CNTN5: variants seen among roughly 807,000 people sequenced by gnomAD.
CNTN5 encodes contactin-5.
A neutral mutation model predicts 129.1 loss-of-function variants in CNTN5; 77 were observed. The observed-to-expected ratio is 0.60, with a 90% CI of 0.50 to 0.72. The LOEUF is 0.72. CNTN5 is among the 30% of genes least tolerant of loss of function. The probability of loss-of-function intolerance (pLI) is 0.00; values close to 1 mark genes in which losing one functional copy is unlikely to be tolerated. For missense variants in CNTN5, 1,478 were observed against 1,328.8 expected (o/e 1.11, Z -1.75); for synonymous variants, 509 against 465.6 (o/e 1.09, Z -1.20).
rs1950401480 is a variant in CNTN5 at position 100,271,177 on chromosome 11, C to T, written c.2250C>T (p.Ala750=). The T allele has an allele frequency of 6.2e-7, 1 of 1,613,096 alleles. No homozygotes were observed. Among genetic ancestry groups the T allele is most frequent in the African/African-American group, 1.3e-5 (1 of 74,864 alleles). The change falls in exon 18 of 25, where the codon GCC becomes GCT. Residue 750 remains alanine (A), a synonymous_variant. Coordinates refer to ENST00000524871, the MANE Select transcript of CNTN5 (RefSeq NM_014361.4). ...TGGAATATGAATTTCGAGTGGTAGC[C>T]ACCAACCCTATTGGGACAGGAGATC... ...PWVEYEFRVV[A]TNPIGTGDPS...
At chr11:99,080,257 T>C (rs61891138) in intron 1 of CNTN5, among the ~76,000 whole-genome samples, 28,556 of 152,110 alleles carry the variant, frequency 0.19, 3,082 homozygotes, top group South Asian at 0.27. Context: ...TGAAAGAGCA[T>C]GTAGGGCATT....
chr11:99,932,063 C>T lies in CNTN5; in HGVS notation c.673+15914C>T, dbSNP rs1236574000. 5.3e-5 allele frequency among the ~76,000 whole-genome samples: 8 copies of T among 152,176 alleles called. No homozygotes were observed. The South Asian group carries it at 1.2e-3, about 24-fold the overall frequency. On this transcript the variant is annotated intron_variant, in intron 7 of 24. Transcript: ENST00000524871. ...TAGTTTGCCATTTGACTATGAAGCACCTAAGCTTCTGTTTATCTTACTCAC... is the reference window on the plus strand; with the variant it reads ...TAGTTTGCCATTTGACTATGAAGCATCTAAGCTTCTGTTTATCTTACTCAC...
At chr11:100,035,904 C>A (rs1390480842) in intron 9 of CNTN5, among the ~76,000 whole-genome samples, 1 of 152,116 alleles carries the variant, frequency 6.6e-6, no homozygotes, top group Admixed American at 6.5e-5. Context: ...AAATTTTCTC[C>A]CATTCTGTAG....
intron 1 of CNTN5, among the ~76,000 whole-genome samples, chr11:99,191,101 T>C (rs1858618933): frequency 6.6e-6 from 1 of 151,860 alleles, no homozygotes; most frequent in Non-Finnish European, 1.5e-5. Flanking sequence ...GAGATAAACA[T>C]ATCTTTTTGT....
intron 6 of CNTN5, among the ~76,000 whole-genome samples, chr11:99,893,539 CACA>C (rs1949120828): frequency 1.3e-5 from 2 of 152,124 alleles, no homozygotes; most frequent in African/African-American, 4.8e-5. Context: ...ACACAGAAAG[CACA>C]ATAATACCTA....
intron 1 of CNTN5, among the ~76,000 whole-genome samples, chr11:99,154,530 C>T (rs11218572): frequency 0.25 from 37,883 of 151,968 alleles, 5,090 homozygotes; most frequent in Middle Eastern, 0.31. Flanking sequence ...AAGGCAAGGA[C>T]GACCTGTGCA....
intron 1 of CNTN5, among the ~76,000 whole-genome samples, chr11:99,196,861 C>T (rs577424557): frequency 1.1e-3 from 168 of 151,598 alleles, no homozygotes; most frequent in African/African-American, 3.8e-3. Context: ...AGGAGTATGT[C>T]CTTGGAATAT....
chr11:99,440,913 A>T (rs1404716616), intron 2 of CNTN5, among the ~76,000 whole-genome samples: 1 of 152,156 alleles, frequency 6.6e-6, no homozygotes, highest in Non-Finnish European at 1.5e-5. Context: ...CGGTGAACTG[A>T]TTGCAATCTC....
chr11:100,215,027 A>G lies in CNTN5; in HGVS notation c.1885-9665A>G, dbSNP rs539977773. Among the ~76,000 whole-genome samples, 79 of 152,278 alleles carry G rather than the reference A, an allele frequency of 5.2e-4. 1 individual carries two copies. In the South Asian group the frequency reaches 0.016, roughly 31 times the overall value. On this transcript the variant is annotated intron_variant, in intron 15 of 24. Transcript: ENST00000524871. ...TGGATAGGTTCCCGAGATCTTCTCC[A>G]TGTTGCTTCTGCCAAGTCTAGAATC... is the stretch of plus-strand genomic sequence containing the variant.
intron 18 of CNTN5, among the ~76,000 whole-genome samples, chr11:100,283,476 T>A (rs903472262): frequency 1.3e-5 from 2 of 152,146 alleles, no homozygotes; most frequent in African/African-American, 4.8e-5. Context: ...AAGTCCACTA[T>A]CTCTGAGCCC....
intron 3 of CNTN5, among the ~76,000 whole-genome samples, chr11:99,564,123 C>T (rs954526421): frequency 3.3e-5 from 5 of 151,816 alleles, no homozygotes; most frequent in African/African-American, 7.3e-5. Flanking sequence ...GCTTTGTCAC[C>T]CAAGCTAGAG....
At chr11:99,875,957 A>G (rs770190822) in intron 6 of CNTN5, among the ~76,000 whole-genome samples, 1 of 152,178 alleles carries the variant, frequency 6.6e-6, no homozygotes, top group Non-Finnish European at 1.5e-5. Flanking sequence ...GCTTTAATTA[A>G]CACTCTAACC....
rs566183171 is a variant in CNTN5, at chr11:99,111,517, G to A, written c.-210+90247G>A. 6.6e-4 allele frequency among the ~76,000 whole-genome samples: 100 copies of A among 152,060 alleles called. 1 individual carries two copies. Among genetic ancestry groups the A allele is most frequent in the African/African-American group, 2.4e-3 (100 of 41,508 alleles). ...GTGCTAATGGAATTTAGGAATTAAG[G>A]AATACAGAAAATTACGGAGTCAGTG... On this transcript the variant is annotated intron_variant, in intron 1 of 24. Coordinates refer to ENST00000524871, the MANE Select transcript of CNTN5 (RefSeq NM_014361.4).
At chr11:99,601,479 T>A (rs1349309782) in intron 3 of CNTN5, among the ~76,000 whole-genome samples, 1 of 152,186 alleles carries the variant, frequency 6.6e-6, no homozygotes, top group Non-Finnish European at 1.5e-5. Flanking sequence ...TCACACCTTC[T>A]AAACTTTGCC....
intron 1 of CNTN5, among the ~76,000 whole-genome samples, chr11:99,245,651 C>T (rs1319773519): frequency 6.6e-6 from 1 of 152,036 alleles, no homozygotes; most frequent in Non-Finnish European, 1.5e-5. Context: ...ATGCTATGGA[C>T]AGTAGAGACC....
At chr11:100,232,789 C>T (rs1949518194) in intron 16 of CNTN5, among the ~76,000 whole-genome samples, 1 of 152,142 alleles carries the variant, frequency 6.6e-6, no homozygotes, top group South Asian at 2.1e-4. Context: ...GTGAGATGTG[C>T]TGTTACCCAT....
At chr11:99,382,808 G>T (rs1180429909) in intron 2 of CNTN5, among the ~76,000 whole-genome samples, 13 of 138,476 alleles carry the variant, frequency 9.4e-5, no homozygotes, top group Admixed American at 8.2e-4. Context: ...AGTCAGAGGA[G>T]CCAGGCAAAG....
intron 2 of CNTN5, among the ~76,000 whole-genome samples, chr11:99,361,393 A>C (rs1939100995): frequency 6.6e-6 from 1 of 152,176 alleles, no homozygotes. Flanking sequence ...CACCTAACAT[A>C]GTATCTGGGA....
At chr11:100,155,787 G>T (rs1359595840) in intron 13 of CNTN5, among the ~76,000 whole-genome samples, 2 of 151,994 alleles carry the variant, frequency 1.3e-5, no homozygotes, top group African/African-American at 2.4e-5. Flanking sequence ...AATTGTCAAT[G>T]GGACTTCACT....
Sources: gnomAD v4.1 joint callset for allele counts (sites outside exome capture counted in the v4.1 genomes callset) on GRCh38, gnomAD v4.1.1 for gene constraint, MANE v1.5 for transcripts, NCBI Gene and HGNC (gene_info 2026-07-23, HGNC 2026-07-21) for gene names.